Variants in PDE7A observed in about 807,000 individuals in gnomAD.
The protein encoded by PDE7A is phosphodiesterase 7A.
Under a neutral mutation model 64.3 loss-of-function variants are expected in PDE7A, and 39 were observed. The observed-to-expected ratio is 0.61, with a 90% CI of 0.47 to 0.79. The LOEUF is 0.79. Ranked by LOEUF, PDE7A falls within the 30% of genes least tolerant of loss-of-function variation. The pLI, the probability that PDE7A is intolerant of heterozygous loss-of-function variation, is 0.00. For synonymous variants in PDE7A, 203 were observed against 206.8 expected (o/e 0.98, Z 0.16); for missense variants, 470 against 582.8 (o/e 0.81, Z 1.99).
At chr8:65,811,464 C>T (rs1426224090) in intron 1 of PDE7A, among the ~76,000 whole-genome samples, 1 of 152,216 alleles carries the variant, frequency 6.6e-6, no homozygotes, top group Non-Finnish European at 1.5e-5. Flanking sequence ...CATTGGCCAA[C>T]CCAACGAGAA....
chr8:65,749,763 T>TA (rs987493312), intron 3 of PDE7A, among the ~76,000 whole-genome samples: 1 of 152,230 alleles, frequency 6.6e-6, no homozygotes, highest in African/African-American at 2.4e-5. Context: ...ACACCTGGAT[T>TA]AAAAAACACA....
At chr8:65,807,678 T>C (rs909696401) in intron 1 of PDE7A, among the ~76,000 whole-genome samples, 1 of 152,226 alleles carries the variant, frequency 6.6e-6, no homozygotes, top group Non-Finnish European at 1.5e-5. Context: ...GTAGATGCCC[T>C]TTATCAGGTT....
Position 65,727,311 on chromosome 8 carries a change from G to T in PDE7A, c.697-10C>A. Reference sequence around the variant, plus strand: ...TTACAGAATTGGCAAGCTGAAGTGTGACAAAAGAATAATGAATCACAGATA... The same window carrying T: ...TTACAGAATTGGCAAGCTGAAGTGTTACAAAAGAATAATGAATCACAGATA... On this transcript the variant is annotated splice_polypyrimidine_tract_variant and intron_variant, in intron 7 of 12. Transcript: ENST00000401827. The T allele has an allele frequency of 1.9e-6, 3 of 1,611,852 alleles. No individual in the cohort carries two copies. Among genetic ancestry groups the T allele is most frequent in the Non-Finnish European group, 2.5e-6 (3 of 1,178,526 alleles).
At chr8:65,774,251 C>T (rs1313999927) in intron 3 of PDE7A, among the ~76,000 whole-genome samples, 1 of 152,136 alleles carries the variant, frequency 6.6e-6, no homozygotes, top group African/African-American at 2.4e-5. Context: ...CTCTTTCGTG[C>T]TGTTGGAAAT....
At chr8:65,832,028 T>C (rs535429992) in intron 1 of PDE7A, among the ~76,000 whole-genome samples, 2 of 152,316 alleles carry the variant, frequency 1.3e-5, no homozygotes, top group East Asian at 3.9e-4. Context: ...GCATGGTATA[T>C]AGATATGTAT....
In PDE7A at chr8:65,803,518, T is replaced by C. The variant is rs1314305484; in HGVS notation, c.139-20675A>G. 2.0e-5 allele frequency among the ~76,000 whole-genome samples: 3 copies of C among 152,210 alleles called. No homozygotes were observed. In the South Asian group the frequency reaches 6.2e-4, roughly 32 times the overall value. ...CCAGTCAGAAATTTTCCCAAGTGTT[T>C]GACAGTCTAAATCACAAATTTACTT... On this transcript the variant is annotated intron_variant, in intron 1 of 12. Coordinates refer to ENST00000401827, the MANE Select transcript of PDE7A (RefSeq NM_001242318.3).
chr8:65,824,880 T>G (rs1001398314), intron 1 of PDE7A, among the ~76,000 whole-genome samples: 1 of 152,214 alleles, frequency 6.6e-6, no homozygotes, highest in Non-Finnish European at 1.5e-5. Context: ...TTTACTGTGA[T>G]AGTCTGAACC....
At position 65,842,012 on chromosome 8, in the gene PDE7A, TC is replaced by T. The variant is rs1811109732; in HGVS notation, c.-505del. 2 of 230,928 alleles carry T rather than the reference TC, an allele frequency of 8.7e-6. No homozygotes were observed. The highest frequency in any genetic ancestry group is 4.7e-5 in the South Asian group (1 of 21,144). 14.3% of individuals were successfully genotyped at this position (230,928 alleles called of 1,614,324 possible). A position where few individuals can be genotyped will look rare whatever the true frequency, so the allele number is the denominator to read the frequency against. ...CGCCGCCGGAGTCCTGCTCCTCCCC[TC>T]CCCCGGAGCCTGACTTCACTCCGCC... On this transcript the variant is annotated 5_prime_UTR_variant, in exon 1 of 13. Coordinates refer to ENST00000401827, the MANE Select transcript of PDE7A (RefSeq NM_001242318.3).
chr8:65,779,271 C>T (rs1809341509), intron 3 of PDE7A, among the ~76,000 whole-genome samples: 1 of 152,138 alleles, frequency 6.6e-6, no homozygotes, highest in African/African-American at 2.4e-5. Flanking sequence ...GCCAAATCCA[C>T]AAAGAATGCT....
chr8:65,720,391 CT>C (rs942074908), intron 12 of PDE7A: 1 of 154,104 alleles, frequency 6.5e-6, no homozygotes, highest in Non-Finnish European at 1.5e-5. Context: ...TTAAAATTTT[CT>C]TCATATCCAA....
rs1426111498 is a variant in PDE7A, at chr8:65,714,822, T to C, written c.*4468A>G. 2 of 152,198 alleles carry C rather than the reference T, an allele frequency of 1.3e-5. No individual in the cohort carries two copies. The highest frequency in any genetic ancestry group is 2.9e-5 in the Non-Finnish European group (2 of 68,032). 9.4% of individuals were successfully genotyped at this position (152,198 alleles called of 1,614,324 possible). On this transcript the variant is annotated 3_prime_UTR_variant, in exon 13 of 13. Coordinates refer to ENST00000401827, the MANE Select transcript of PDE7A (RefSeq NM_001242318.3). ...TTGGAAAAAAAGATCATTTTCAGAA[T>C]CTTCAAGGAATTACTAGCACCTCTA...
At chr8:65,765,531 G>T (rs1404309500) in intron 3 of PDE7A, 1 of 131,294 alleles carries the variant, frequency 7.6e-6, no homozygotes, top group Non-Finnish European at 1.6e-5. Flanking sequence ...GATAATGGGC[G>T]AAACATGCTT....
chr8:65,723,872 C>G (rs17395878), intron 11 of PDE7A, among the ~76,000 whole-genome samples: 6,310 of 152,176 alleles, frequency 0.041, 194 homozygotes, highest in Non-Finnish European at 0.062. Flanking sequence ...AATATACAAC[C>G]TGAAAGGAAG....
At chr8:65,820,892 A>T (rs1810525797) in intron 1 of PDE7A, among the ~76,000 whole-genome samples, 1 of 152,194 alleles carries the variant, frequency 6.6e-6, no homozygotes, top group South Asian at 2.1e-4. Context: ...GCCTGGCTGA[A>T]ATTGTTGATT....
intron 1 of PDE7A, among the ~76,000 whole-genome samples, chr8:65,800,601 CCT>C (rs1249653417): frequency 6.6e-6 from 1 of 152,176 alleles, no homozygotes; most frequent in Non-Finnish European, 1.5e-5. Flanking sequence ...TTGCTGTGTT[CCT>C]CTGTGTGGGT....
At chr8:65,730,628 T>C (rs961027205) in intron 7 of PDE7A, among the ~76,000 whole-genome samples, 2 of 151,820 alleles carry the variant, frequency 1.3e-5, no homozygotes, top group African/African-American at 4.8e-5. Flanking sequence ...GCTCTAGAGG[T>C]CTAAAAACAG....
At chr8:65,802,967 C>G (rs1007088183) in intron 1 of PDE7A, among the ~76,000 whole-genome samples, 2 of 152,190 alleles carry the variant, frequency 1.3e-5, no homozygotes, top group Middle Eastern at 3.2e-3. Context: ...CTCTCACTTG[C>G]TCCTGCTTTT....
At chr8:65,781,593 T>C (rs1342297523) in intron 2 of PDE7A, among the ~76,000 whole-genome samples, 3 of 152,108 alleles carry the variant, frequency 2.0e-5, no homozygotes, top group East Asian at 1.9e-4. Flanking sequence ...TGCTGATGAA[T>C]TCAATATGGA....
chr8:65,762,319 A>G (rs561043667), intron 3 of PDE7A, among the ~76,000 whole-genome samples: 1 of 152,196 alleles, frequency 6.6e-6, no homozygotes, highest in East Asian at 1.9e-4. Flanking sequence ...TACGGGACAC[A>G]TTTTCTTAGA....
Sources: gnomAD v4.1 joint callset for allele counts (sites outside exome capture counted in the v4.1 genomes callset) on GRCh38, gnomAD v4.1.1 for gene constraint, MANE v1.5 for transcripts, NCBI Gene and HGNC (gene_info 2026-07-23, HGNC 2026-07-21) for gene names.